The following PTPRD variants were observed in gnomAD, a reference collection of about 807,000 sequenced individuals.
The protein encoded by PTPRD is protein tyrosine phosphatase receptor type D, also known as receptor-type tyrosine-protein phosphatase delta.
In PTPRD, 34 loss-of-function variants were observed where a neutral mutation model predicts 214.5. The observed-to-expected ratio is 0.16, with a 90% CI of 0.12 to 0.21. The LOEUF (loss-of-function observed/expected upper bound fraction) is 0.21, where lower values mean the gene tolerates loss of function less well. Ranked by LOEUF, PTPRD falls within the 10% of genes least tolerant of loss-of-function variation. PTPRD has a pLI of 1.00. For missense variants in PTPRD, 2,545 were observed against 2,398.7 expected, an observed-to-expected ratio of 1.06 and a Z score of -1.27; for synonymous variants, 1,128 against 845.7, an observed-to-expected ratio of 1.33 and a Z score of -5.79.
intron 2 of PTPRD, among the ~76,000 whole-genome samples, chr9:10,408,484 T>C (rs1565845502): frequency 6.6e-6 from 1 of 151,666 alleles, no homozygotes; most frequent in South Asian, 2.1e-4. Flanking sequence ...ACTGCACAAG[T>C]TCATCCAGCT....
intron 14 of PTPRD, among the ~76,000 whole-genome samples, chr9:8,565,441 C>T (rs2088606859): frequency 6.6e-6 from 1 of 152,168 alleles, no homozygotes; most frequent in Non-Finnish European, 1.5e-5. Flanking sequence ...AAATGCTGCA[C>T]ATTGCATTAG....
intron 10 of PTPRD, among the ~76,000 whole-genome samples, chr9:9,075,287 C>A (rs550242158): frequency 3.7e-4 from 57 of 152,086 alleles, no homozygotes; most frequent in African/African-American, 1.4e-3. Flanking sequence ...TTTATCCTTT[C>A]CTTTTGTTAC....
intron 34 of PTPRD, among the ~76,000 whole-genome samples, chr9:8,440,357 C>G (rs907456257): frequency 6.6e-6 from 1 of 151,742 alleles, no homozygotes; most frequent in African/African-American, 2.4e-5. Flanking sequence ...ACTCTGTTGC[C>G]CAGGCTGGAG....
intron 8 of PTPRD, among the ~76,000 whole-genome samples, chr9:9,574,488 C>A (rs951689270): frequency 4.0e-5 from 6 of 151,882 alleles, no homozygotes; most frequent in African/African-American, 1.4e-4. Flanking sequence ...CAATCTTTAC[C>A]TTTGCGGGAC....
At chr9:9,656,042 A>C (rs1315597970) in intron 7 of PTPRD, among the ~76,000 whole-genome samples, 2 of 152,230 alleles carry the variant, frequency 1.3e-5, no homozygotes, top group East Asian at 1.9e-4. Context: ...ATCATATGAC[A>C]TTAAGAAAGT....
At chr9:10,566,448 C>G (rs112033377) in intron 2 of PTPRD, among the ~76,000 whole-genome samples, 1,959 of 152,056 alleles carry the variant, frequency 0.013, 18 homozygotes, top group South Asian at 0.036. Flanking sequence ...AAAAAATTTG[C>G]AACTAACCTG....
chr9:10,123,384 T>G (rs924698503), intron 3 of PTPRD, among the ~76,000 whole-genome samples: 1 of 152,212 alleles, frequency 6.6e-6, no homozygotes, highest in Non-Finnish European at 1.5e-5. Flanking sequence ...TCTTTTGTAT[T>G]TTGCAGTCAT....
intron 3 of PTPRD, among the ~76,000 whole-genome samples, chr9:10,143,463 G>A (rs1209582229): frequency 6.6e-6 from 1 of 151,924 alleles, no homozygotes; most frequent in African/African-American, 2.4e-5. Context: ...TGTTGGTGGG[G>A]ATCTAACTTA....
chr9:10,431,292 G>T (rs1345839159), intron 2 of PTPRD, among the ~76,000 whole-genome samples: 2 of 151,970 alleles, frequency 1.3e-5, no homozygotes, highest in Non-Finnish European at 2.9e-5. Flanking sequence ...ATTCAAGATG[G>T]ATTAAAGACT....
chr9:9,916,154 G>A (rs1184756587), intron 5 of PTPRD, among the ~76,000 whole-genome samples: 3 of 150,530 alleles, frequency 2.0e-5, no homozygotes, highest in African/African-American at 4.9e-5. Context: ...AATGGAGGAC[G>A]AATGAAATGT....
chr9:8,612,711 G>C lies in PTPRD; in HGVS notation c.352+20606C>G, dbSNP rs539043034. 2.6e-5 allele frequency among the ~76,000 whole-genome samples: 4 copies of C among 152,328 alleles called. No homozygotes were observed. The South Asian group carries it at 8.3e-4, about 32-fold the overall frequency. On this transcript the variant is annotated intron_variant, in intron 14 of 45. Transcript: ENST00000381196. ...GGGATGTTCACTGAGGTGAGAAGAG[G>C]ATGACAACTTCTGGGGGACCCTGAG...
At position 8,465,697 on chromosome 9, in the gene PTPRD, C is replaced by A. The variant is rs750351792; in HGVS notation, c.3505-22G>T. ...GCAGCTTAAGGAAAAAAGTGGGAAA[C>A]AGAAAAAGAACTGTAAATAATAACC... is the stretch of plus-strand genomic sequence containing the variant. On this transcript the variant is annotated intron_variant, in intron 31 of 45. Coordinates refer to ENST00000381196, the MANE Select transcript of PTPRD (RefSeq NM_002839.4). The A allele has an allele frequency of 2.5e-6, 4 of 1,580,608 alleles. No individual in the cohort carries two copies. The African/African-American group carries it at 5.5e-5, about 22-fold the overall frequency.
At chr9:8,773,427 C>G (rs1270707432) in intron 11 of PTPRD, among the ~76,000 whole-genome samples, 1 of 152,164 alleles carries the variant, frequency 6.6e-6, no homozygotes, top group African/African-American at 2.4e-5. Flanking sequence ...CTGAGGCAAT[C>G]ATGGTACTCG....
At chr9:8,698,072 T>A (rs889120425) in intron 12 of PTPRD, among the ~76,000 whole-genome samples, 12 of 152,206 alleles carry the variant, frequency 7.9e-5, no homozygotes, top group African/African-American at 2.7e-4. Flanking sequence ...TTTGTGAAAC[T>A]TTATTTTATA....
chr9:10,264,879 T>C (rs1215417870), intron 3 of PTPRD, among the ~76,000 whole-genome samples: 1 of 152,138 alleles, frequency 6.6e-6, no homozygotes, highest in African/African-American at 2.4e-5. Flanking sequence ...AATTGAATCA[T>C]GGGGGCAGTT....
intron 14 of PTPRD, among the ~76,000 whole-genome samples, chr9:8,574,420 C>T (rs1200795201): frequency 3.3e-5 from 5 of 151,508 alleles, no homozygotes; most frequent in Non-Finnish European, 7.4e-5. Context: ...GTTGGGAGGC[C>T]CTAAAAATTG....
At chr9:10,282,263 G>A (rs1033001912) in intron 3 of PTPRD, among the ~76,000 whole-genome samples, 1 of 152,104 alleles carries the variant, frequency 6.6e-6, no homozygotes, top group African/African-American at 2.4e-5. Context: ...TAACTTAATT[G>A]ACATAGCACA....
chr9:9,814,743 A>T (rs375535047), intron 5 of PTPRD, among the ~76,000 whole-genome samples: 1 of 152,018 alleles, frequency 6.6e-6, no homozygotes, highest in Non-Finnish European at 1.5e-5. Context: ...GAAATAAAAA[A>T]TACAATTCTA....
intron 14 of PTPRD, among the ~76,000 whole-genome samples, chr9:8,595,745 G>A (rs1031773515): frequency 6.6e-6 from 1 of 152,172 alleles, no homozygotes; most frequent in Non-Finnish European, 1.5e-5. Flanking sequence ...TCATAATAAT[G>A]AATCAGAAGG....
Sources: gnomAD v4.1 joint callset for allele counts (sites outside exome capture counted in the v4.1 genomes callset) on GRCh38, gnomAD v4.1.1 for gene constraint, MANE v1.5 for transcripts, NCBI Gene and HGNC (gene_info 2026-07-23, HGNC 2026-07-21) for gene names.